NEO1: variants seen among roughly 807,000 people sequenced by gnomAD.
NEO1 encodes the protein neogenin.
A neutral mutation model predicts 159.7 loss-of-function variants in NEO1; 63 were observed. The ratio of observed to expected loss-of-function variants is 0.39; its 90% CI spans 0.32 to 0.49. The LOEUF is 0.49. Among genes scored for constraint, NEO1 ranks in the 20% least tolerant of loss-of-function variants. The pLI, the probability that NEO1 is intolerant of heterozygous loss-of-function variation, is 0.85. For synonymous variants in NEO1, 633 were observed against 662.0 expected, an observed-to-expected ratio of 0.96 and a Z score of 0.67; for missense variants, 1,615 against 1,831.0, an observed-to-expected ratio of 0.88 and a Z score of 2.15.
intron 15 of NEO1, 133 bp downstream of exon 15, chr15:73,260,598 T>C: frequency 3.7e-6 from 3 of 807,898 alleles, no homozygotes; most frequent in Non-Finnish European, 5.6e-6. Flanking sequence ...TTCACCTGAA[T>C]TCCCCAAATG....
At position 73,298,484 on chromosome 15, in the gene NEO1, G is replaced by C. The variant is rs199578346; in HGVS notation, c.4038G>C (p.Gln1346His). The change falls in exon 27 of 29, where the codon CAG becomes CAC. Residue 1346 changes from glutamine to histidine, a missense_variant. By Grantham distance (24) the Gln-to-His change is conservative. This residue lies in a region of NEO1 where 471 missense variants were observed against 498.9 expected (regional missense o/e 0.94). Transcript: ENST00000261908. ...GCTCCCAAGAGGAAGATTCAGGCCA[G>C]AGTCTTCCCACTGCCCATGTTCGCC... Reference protein sequence around the residue: ...LASSQEEDSGQSLPTAHVRPS... With the variant: ...LASSQEEDSGHSLPTAHVRPS... 2.5e-5 allele frequency: 40 copies of C among 1,614,180 alleles called. No homozygotes were observed. Among genetic ancestry groups the C allele is most frequent in the Non-Finnish European group, 1.7e-6 (2 of 1,180,038 alleles).
At chr15:73,273,052 C>G (rs1443179668) in intron 19 of NEO1, among the ~76,000 whole-genome samples, 1 of 146,948 alleles carries the variant, frequency 6.8e-6, no homozygotes, top group Non-Finnish European at 1.5e-5. Flanking sequence ...TACCTGTGCT[C>G]TTATAATTAG....
intron 13 of NEO1, among the ~76,000 whole-genome samples, chr15:73,256,683 T>G (rs2040368004): frequency 6.6e-6 from 1 of 152,128 alleles, no homozygotes; most frequent in Non-Finnish European, 1.5e-5. Context: ...TGTCTTTCAG[T>G]CTTCCAGCTT....
At chr15:73,192,475 GAAT>G (rs1429947264) in intron 7 of NEO1, among the ~76,000 whole-genome samples, 2 of 151,732 alleles carry the variant, frequency 1.3e-5, no homozygotes, top group Non-Finnish European at 2.9e-5. Context: ...TGCAGTTTAA[GAAT>G]AATTTAAAAT....
At chr15:73,121,734 G>A (rs1374188436) in intron 2 of NEO1, among the ~76,000 whole-genome samples, 4 of 151,912 alleles carry the variant, frequency 2.6e-5, no homozygotes, top group African/African-American at 7.3e-5. Flanking sequence ...TGCATGAACC[G>A]ACAGATTCTT....
At chr15:73,281,239 G>A (rs1439134529) in intron 22 of NEO1, among the ~76,000 whole-genome samples, 12 of 81,206 alleles carry the variant, frequency 1.5e-4, no homozygotes, top group Non-Finnish European at 2.8e-4. Context: ...AAGCCAGGTT[G>A]TTAGGAGAAC....
intron 1 of NEO1, among the ~76,000 whole-genome samples, chr15:73,076,492 CAT>C (rs1438722065): frequency 6.6e-6 from 1 of 152,100 alleles, no homozygotes; most frequent in Non-Finnish European, 1.5e-5. Context: ...GTGCCAGGCC[CAT>C]AGTTGATTTT....
At chr15:73,225,779 C>T (rs1455870695) in intron 7 of NEO1, among the ~76,000 whole-genome samples, 1 of 152,114 alleles carries the variant, frequency 6.6e-6, no homozygotes, top group Non-Finnish European at 1.5e-5. Context: ...ACACCTGATT[C>T]GCACCCTTTC....
intron 8 of NEO1, among the ~76,000 whole-genome samples, chr15:73,239,150 A>G (rs993653179): frequency 6.6e-6 from 1 of 152,146 alleles, no homozygotes; most frequent in African/African-American, 2.4e-5. Flanking sequence ...TGGCCAAGTT[A>G]TCATTTTTCA....
At chr15:73,196,237 A>G (rs1054774600) in intron 7 of NEO1, among the ~76,000 whole-genome samples, 4 of 152,220 alleles carry the variant, frequency 2.6e-5, no homozygotes, top group African/African-American at 4.8e-5. Flanking sequence ...GGAAAAAGTC[A>G]GATGACTTCC....
At chr15:73,149,832 T>C (rs2151829469) in intron 5 of NEO1, among the ~76,000 whole-genome samples, 1 of 152,348 alleles carries the variant, frequency 6.6e-6, no homozygotes, top group South Asian at 2.1e-4. Flanking sequence ...ATTTCTATCA[T>C]CTCAAACATT....
intron 5 of NEO1, among the ~76,000 whole-genome samples, chr15:73,166,535 G>A (rs1276426569): frequency 8.5e-5 from 13 of 152,168 alleles, no homozygotes; most frequent in Admixed American, 5.9e-4. Context: ...AAGGCAGGGG[G>A]AAATTTCAGG....
chr15:73,119,552 T>C (rs1209897733), intron 2 of NEO1, among the ~76,000 whole-genome samples: 1 of 152,204 alleles, frequency 6.6e-6, no homozygotes. Flanking sequence ...GTGTTCTAAA[T>C]ACAGACATTG....
At chr15:73,220,880 T>C (rs1415339196) in intron 7 of NEO1, among the ~76,000 whole-genome samples, 1 of 152,228 alleles carries the variant, frequency 6.6e-6, no homozygotes, top group Non-Finnish European at 1.5e-5. Context: ...AATTTCCTCC[T>C]GTAGCTTGGA....
chr15:73,113,978 A>G (rs906000983), intron 1 of NEO1, among the ~76,000 whole-genome samples: 1 of 152,196 alleles, frequency 6.6e-6, no homozygotes, highest in Non-Finnish European at 1.5e-5. Flanking sequence ...TAAGGGTACC[A>G]GGAGCCAAGC....
intron 5 of NEO1, among the ~76,000 whole-genome samples, chr15:73,143,754 C>T (rs888232195): frequency 3.3e-5 from 5 of 152,172 alleles, no homozygotes; most frequent in Admixed American, 6.5e-5. Context: ...GCAGTGTTCC[C>T]CTGTGTCCCC....
chr15:73,071,650 C>G (rs1179454625), intron 1 of NEO1, among the ~76,000 whole-genome samples: 3 of 151,982 alleles, frequency 2.0e-5, no homozygotes, highest in South Asian at 2.1e-4. Flanking sequence ...ATCTCAGCCT[C>G]TCAATGGCTG....
At chr15:73,130,298 TCA>T (rs1222932923) in intron 4 of NEO1, among the ~76,000 whole-genome samples, 16 of 131,580 alleles carry the variant, frequency 1.2e-4, no homozygotes, top group Non-Finnish European at 2.8e-4. Context: ...TTCTGTGGGC[TCA>T]GTTTCCCGCC....
intron 4 of NEO1, 81 bp downstream of exon 4, chr15:73,126,651 TA>T: frequency 1.5e-6 from 2 of 1,323,110 alleles, no homozygotes; most frequent in Non-Finnish European, 2.1e-6. Flanking sequence ...TTGACTAATT[TA>T]AAAAGATTAT....
Sources: gnomAD v4.1 joint callset for allele counts (sites outside exome capture counted in the v4.1 genomes callset) on GRCh38, gnomAD v4.1.1 for gene constraint, gnomAD v4.1.1 regional missense constraint, MANE v1.5 for transcripts, NCBI Gene and HGNC (gene_info 2026-07-23, HGNC 2026-07-21) for gene names.